The following FMNL2 variants were observed in gnomAD, a reference collection of about 807,000 sequenced individuals.
The protein encoded by FMNL2 is formin like 2, also known as formin-like protein 2.
FMNL2 carries 51 observed loss-of-function variants against 130.2 expected under a neutral mutation model. The ratio of observed to expected loss-of-function variants is 0.39; its 90% CI spans 0.31 to 0.49. The LOEUF is 0.49. FMNL2 is among the 20% of genes least tolerant of loss of function. The pLI is 0.85. For missense variants in FMNL2, 977 were observed against 1,316.2 expected (o/e 0.74, Z 3.99); for synonymous variants, 465 against 467.1 (o/e 1.00, Z 0.06).
At chr2:152,364,259 GTGTTTTTTTTT>G (rs1323396318) in intron 1 of FMNL2, among the ~76,000 whole-genome samples, 9 of 100,764 alleles carry the variant, frequency 8.9e-5, no homozygotes, top group Middle Eastern at 0.01. Context: ...GGAGGTTTGT[GTGTTTTTTTTT>G]TTTTTTTTTT....
intron 1 of FMNL2, among the ~76,000 whole-genome samples, chr2:152,500,224 C>A (rs2105319653): frequency 6.6e-6 from 1 of 152,110 alleles, no homozygotes; most frequent in African/African-American, 2.4e-5. Context: ...TCTGCCCCAC[C>A]AAGAGAGCAG....
intron 1 of FMNL2, among the ~76,000 whole-genome samples, chr2:152,467,447 C>T (rs1337614033): frequency 2.0e-5 from 3 of 152,210 alleles, no homozygotes; most frequent in Non-Finnish European, 4.4e-5. Flanking sequence ...ACCCCACTCT[C>T]CTGCCTCCTG....
intron 3 of FMNL2, 30 bp downstream of exon 3, chr2:152,542,849 A>G: frequency 6.2e-7 from 1 of 1,606,708 alleles, no homozygotes; most frequent in African/African-American, 1.3e-5. Flanking sequence ...ACTCTTTGTT[A>G]TTGCTTCCTT....
chr2:152,364,657 G>A (rs529568781), intron 1 of FMNL2, among the ~76,000 whole-genome samples: 1 of 152,128 alleles, frequency 6.6e-6, no homozygotes, highest in African/African-American at 2.4e-5. Context: ...TGCAACTGGC[G>A]ATTAACTCAG....
intron 1 of FMNL2, among the ~76,000 whole-genome samples, chr2:152,400,833 G>A (rs1196966417): frequency 6.6e-6 from 1 of 152,162 alleles, no homozygotes; most frequent in Non-Finnish European, 1.5e-5. Context: ...ATATGCCCTG[G>A]GGGGCAGTCA....
intron 1 of FMNL2, among the ~76,000 whole-genome samples, chr2:152,412,072 T>G (rs1248065810): frequency 6.6e-6 from 1 of 152,160 alleles, no homozygotes; most frequent in Non-Finnish European, 1.5e-5. Flanking sequence ...CCTAAGCTAC[T>G]TCATCTCCTT....
intron 1 of FMNL2, among the ~76,000 whole-genome samples, chr2:152,370,473 C>A (rs1683813676): frequency 6.6e-6 from 1 of 152,178 alleles, no homozygotes; most frequent in Non-Finnish European, 1.5e-5. Flanking sequence ...CCATGCATCC[C>A]TTCAAATAAT....
rs191109604 is a variant in FMNL2 at position 152,386,186 on chromosome 2, A to G, written c.117+50466A>G. ...TACCCTGCTGAGATTTATTCCCAGCACCTTCAAGGGGGCTATTGTAGAATG... is the reference window on the plus strand; with the variant it reads ...TACCCTGCTGAGATTTATTCCCAGCGCCTTCAAGGGGGCTATTGTAGAATG... On this transcript the variant is annotated intron_variant, in intron 1 of 25. Coordinates refer to ENST00000288670, the MANE Select transcript of FMNL2 (RefSeq NM_052905.4). Among the ~76,000 whole-genome samples the G allele has an allele frequency of 8.5e-4, 129 of 152,320 alleles. 1 individual carries two copies. The highest frequency in any genetic ancestry group is 8.4e-3 in the Admixed American group (128 of 15,296).
chr2:152,628,188 T>A (rs1052561096), intron 17 of FMNL2, 111 bp from the exon 18 acceptor site: 2 of 876,978 alleles, frequency 2.3e-6, no homozygotes, highest in African/African-American at 3.3e-5. Flanking sequence ...TGGTGTTTGA[T>A]GAGCTGTACC....
In FMNL2 at chr2:152,636,470, G is replaced by A; in HGVS notation, c.2724G>A (p.Arg908=). 6.2e-7 allele frequency: 1 copy of A among 1,612,164 alleles called. No homozygotes were observed. Among genetic ancestry groups the A allele is most frequent in the South Asian group, 1.1e-5 (1 of 90,576 alleles). Reference sequence around the variant, plus strand: ...TGCTGGATGTCAAGGAGCTCCAGAGGGGAATGGACTTGACCAAGAGAGAGT... The same window carrying A: ...TGCTGGATGTCAAGGAGCTCCAGAGAGGAATGGACTTGACCAAGAGAGAGT... ...NVLLDVKELQ[R]GMDLTKREYT... Residue 908 remains arginine, a synonymous_variant, in exon 22 of 26, where the codon AGG becomes AGA. Transcript: ENST00000288670.
chr2:152,619,555 C>CCT lies in FMNL2; in HGVS notation c.1675_1676insTC (p.Pro559LeufsTer30), dbSNP rs1699134993. ...CACCTATGCCACCGCCGCCGCCGCCCCCTCCTCCACCTCCTCCTCCCCCAC... is the reference window on the plus strand; with the variant it reads ...CACCTATGCCACCGCCGCCGCCGCCCCTCCTCCTCCACCTCCTCCTCCCCCAC... On this transcript the variant is annotated frameshift_variant, in exon 15 of 26. Transcript: ENST00000288670. LOFTEE classifies it high-confidence loss of function. 2 of 669,346 alleles carry CCT rather than the reference C, an allele frequency of 3.0e-6. No individual in the cohort carries two copies. The highest frequency in any genetic ancestry group is 5.3e-5 in the African/African-American group (1 of 18,924). The allele number at this position is 669,346 out of a possible 1,614,324, so 41.5% of individuals were successfully genotyped here. A position where few individuals can be genotyped will look rare whatever the true frequency, so the allele number is the denominator to read the frequency against.
At chr2:152,465,455 C>T (rs1480986650) in intron 1 of FMNL2, among the ~76,000 whole-genome samples, 2 of 152,150 alleles carry the variant, frequency 1.3e-5, no homozygotes, top group African/African-American at 4.8e-5. Flanking sequence ...GACAAAGGCA[C>T]AGGGAAGGAA....
chr2:152,600,346 T>G (rs1460280770), intron 9 of FMNL2, among the ~76,000 whole-genome samples: 1 of 152,170 alleles, frequency 6.6e-6, no homozygotes, highest in Non-Finnish European at 1.5e-5. Context: ...CCTTTAATTT[T>G]TATATAACTA....
At chr2:152,633,971 C>T (rs1479391238) in intron 21 of FMNL2, among the ~76,000 whole-genome samples, 4 of 152,250 alleles carry the variant, frequency 2.6e-5, no homozygotes, top group East Asian at 3.9e-4. Context: ...CCAGTGAACA[C>T]CTTTGAGTGC....
At chr2:152,634,840 C>CT (rs562811621) in intron 21 of FMNL2, among the ~76,000 whole-genome samples, 34 of 152,242 alleles carry the variant, frequency 2.2e-4, no homozygotes, top group African/African-American at 7.0e-4. Context: ...GCTGAGCATA[C>CT]TTCTCAGATG....
intron 1 of FMNL2, among the ~76,000 whole-genome samples, chr2:152,353,436 C>T (rs1397831299): frequency 2.0e-5 from 3 of 152,194 alleles, no homozygotes; most frequent in Non-Finnish European, 4.4e-5. Context: ...AGGCAGTCGA[C>T]TCTAAGCCTT....
chr2:152,379,712 G>T (rs149393126), intron 1 of FMNL2, among the ~76,000 whole-genome samples: 1 of 152,332 alleles, frequency 6.6e-6, no homozygotes, highest in African/African-American at 2.4e-5. Context: ...TTGGGTGGGT[G>T]CCCTGTCAAT....
intron 1 of FMNL2, among the ~76,000 whole-genome samples, chr2:152,359,237 C>T (rs1412676695): frequency 1.3e-5 from 2 of 152,080 alleles, no homozygotes; most frequent in South Asian, 2.1e-4. Flanking sequence ...TTTATAGAGT[C>T]TTTTTTTGTG....
At chr2:152,399,432 C>G (rs1013452469) in intron 1 of FMNL2, among the ~76,000 whole-genome samples, 32 of 152,104 alleles carry the variant, frequency 2.1e-4, no homozygotes, top group African/African-American at 7.5e-4. Context: ...GGGTGAGGAG[C>G]AGCTTATTAA....
Sources: gnomAD v4.1 joint callset for allele counts (sites outside exome capture counted in the v4.1 genomes callset) on GRCh38, gnomAD v4.1.1 for gene constraint, MANE v1.5 for transcripts, NCBI Gene and HGNC (gene_info 2026-07-23, HGNC 2026-07-21) for gene names.